Variants in BIVM observed in about 807,000 individuals in gnomAD.
The protein encoded by BIVM is basic immunoglobulin-like variable motif-containing protein.
Under a neutral mutation model 61.4 loss-of-function variants are expected in BIVM, and 31 were observed. The observed-to-expected ratio is 0.51, with a 90% confidence interval of 0.38 to 0.68. BIVM has a LOEUF of 0.68. Ranked by LOEUF, BIVM falls within the 30% of genes least tolerant of loss-of-function variation. The pLI is 0.00. For synonymous variants in BIVM, 189 were observed against 210.7 expected, an observed-to-expected ratio of 0.90 and a Z score of 0.89; for missense variants, 526 against 596.0, an observed-to-expected ratio of 0.88 and a Z score of 1.22.
intron 1 of BIVM, among the ~76,000 whole-genome samples, chr13:102,799,925 C>G (rs113040624): frequency 0.021 from 3,183 of 152,270 alleles, 44 homozygotes; most frequent in Non-Finnish European, 0.029. Flanking sequence ...GTCCGGGAAC[C>G]AGCGCGCAGC....
At chr13:102,810,588 G>C (rs898135125) in intron 3 of BIVM, among the ~76,000 whole-genome samples, 1 of 152,128 alleles carries the variant, frequency 6.6e-6, no homozygotes, top group African/African-American at 2.4e-5. Flanking sequence ...TTAACTTTCA[G>C]TTATTGATGT....
At chr13:102,830,638 T>A (rs1432630746) in intron 7 of BIVM, among the ~76,000 whole-genome samples, 1 of 152,198 alleles carries the variant, frequency 6.6e-6, no homozygotes, top group Admixed American at 6.5e-5. Flanking sequence ...TGAAGACTAC[T>A]CCTCTAGCCT....
chr13:102,828,403 C>T (rs1170788946), intron 7 of BIVM, among the ~76,000 whole-genome samples: 1 of 152,082 alleles, frequency 6.6e-6, no homozygotes, highest in Admixed American at 6.6e-5. Flanking sequence ...TATTGCAGTT[C>T]ATAACTTTTG....
chr13:102,800,108 G>A (rs1000289572), intron 1 of BIVM, among the ~76,000 whole-genome samples: 1 of 152,228 alleles, frequency 6.6e-6, no homozygotes, highest in African/African-American at 2.4e-5. Flanking sequence ...AGCCAAGGCG[G>A]GCCTGGTTCG....
chr13:102,807,560 C>G lies in BIVM; in HGVS notation c.293C>G (p.Thr98Ser). ...PSRSPCLPDS[T>S]SLSAGNNSSR... is the part of the protein sequence containing the mutation. ...CGCTCTCCTTGCCTCCCTGATAGTACCTCTTTATCTGCTGGAAATAATTCA... is the reference window on the plus strand; with the variant it reads ...CGCTCTCCTTGCCTCCCTGATAGTAGCTCTTTATCTGCTGGAAATAATTCA... Residue 98 changes from threonine to serine, a missense_variant, in exon 3 of 11, where the codon ACC (threonine) becomes AGC (serine). By Grantham distance (58) the Thr-to-Ser change is moderately conservative (BLOSUM62 1). Transcript: ENST00000257336. The surrounding 1 kb of genome is among the most constrained non-coding windows in gnomAD (Gnocchi z 4.0). The G allele has an allele frequency of 1.2e-6, 2 of 1,614,154 alleles. No homozygotes were observed. The highest frequency in any genetic ancestry group is 1.7e-6 in the Non-Finnish European group (2 of 1,180,036).
chr13:102,837,889 G>A (rs75691303), intron 9 of BIVM, among the ~76,000 whole-genome samples: 9,223 of 152,120 alleles, frequency 0.061, 394 homozygotes, highest in South Asian at 0.095. Flanking sequence ...TGGACTTTGG[G>A]GACTCCTGAG....
chr13:102,810,596 T>C (rs1879431241), intron 3 of BIVM, among the ~76,000 whole-genome samples: 1 of 152,262 alleles, frequency 6.6e-6, no homozygotes, highest in South Asian at 2.1e-4. Flanking sequence ...CAGTTATTGA[T>C]GTTATCAAAT....
chr13:102,816,669 A>C, intron 4 of BIVM, 115 bp downstream of exon 4: 2 of 973,870 alleles, frequency 2.1e-6, no homozygotes, highest in Non-Finnish European at 2.7e-6. Context: ...TTTATTTCTA[A>C]AATTATTACC....
intron 9 of BIVM, 102 bp downstream of exon 9, chr13:102,834,654 C>T (rs915780081): frequency 4.6e-6 from 5 of 1,098,164 alleles, no homozygotes; most frequent in Non-Finnish European, 6.2e-6. Context: ...AATGAATGCA[C>T]CTGTATAATC....
intron 7 of BIVM, among the ~76,000 whole-genome samples, chr13:102,830,906 C>T (rs917333864): frequency 1.3e-5 from 2 of 152,156 alleles, no homozygotes; most frequent in African/African-American, 2.4e-5. Context: ...CTTCCTGAGG[C>T]CCAACCCCAT....
intron 10 of BIVM, among the ~76,000 whole-genome samples, 181 bp downstream of exon 10, chr13:102,838,920 A>C (rs1198959701): frequency 2.0e-5 from 3 of 152,192 alleles, no homozygotes; most frequent in African/African-American, 7.2e-5. Context: ...TGGAGTCATA[A>C]AGGAATGGTA....
At chr13:102,799,790 G>A (rs1465671827) in intron 1 of BIVM, among the ~76,000 whole-genome samples, 1 of 152,246 alleles carries the variant, frequency 6.6e-6, no homozygotes, top group African/African-American at 2.4e-5. Flanking sequence ...TGTGTCGCGG[G>A]GGGAAGAGAA....
intron 7 of BIVM, 52 bp downstream of exon 7, chr13:102,822,211 A>G: frequency 6.6e-7 from 1 of 1,513,918 alleles, no homozygotes; most frequent in Non-Finnish European, 9.1e-7. Context: ...ATGCACACAC[A>G]CACATACACA....
chr13:102,830,486 GAA>G (rs1880988421), intron 7 of BIVM, among the ~76,000 whole-genome samples: 1 of 152,198 alleles, frequency 6.6e-6, no homozygotes, highest in African/African-American at 2.4e-5. Context: ...AAGTGCTGGT[GAA>G]AAGTCATTTC....
At chr13:102,810,258 C>T (rs1169771306) in intron 3 of BIVM, among the ~76,000 whole-genome samples, 1 of 152,122 alleles carries the variant, frequency 6.6e-6, no homozygotes, top group Non-Finnish European at 1.5e-5. Flanking sequence ...TATAGCCACC[C>T]CTGCTCTCTT....
intron 3 of BIVM, among the ~76,000 whole-genome samples, chr13:102,808,894 T>A (rs1390095699): frequency 1.3e-5 from 2 of 152,190 alleles, no homozygotes; most frequent in Non-Finnish European, 2.9e-5. Flanking sequence ...TCCTTTTGCA[T>A]CCTAATACTG....
chr13:102,807,932 C>T lies in BIVM; in HGVS notation c.478+187C>T, dbSNP rs1036601464. Reference sequence around the variant, plus strand: ...GTAGGGCATGTAGTTCATTGCGGGGCTTCCACTGGAAACTTCAAGCATAAG... The same window carrying T: ...GTAGGGCATGTAGTTCATTGCGGGGTTTCCACTGGAAACTTCAAGCATAAG... On this transcript the variant is annotated intron_variant, in intron 3 of 10. Coordinates refer to ENST00000257336, the MANE Select transcript of BIVM (RefSeq NM_017693.4). The surrounding 1 kb of genome is among the most constrained non-coding windows in gnomAD (Gnocchi z 4.0). Among the ~76,000 whole-genome samples the T allele has an allele frequency of 5.9e-5, 9 of 151,814 alleles. No homozygotes were observed. The highest frequency in any genetic ancestry group is 2.2e-4 in the African/African-American group (9 of 41,322).
intron 1 of BIVM, among the ~76,000 whole-genome samples, chr13:102,803,131 T>A (rs1406655662): frequency 4.2e-5 from 6 of 144,010 alleles, no homozygotes; most frequent in Non-Finnish European, 9.0e-5. Flanking sequence ...AAGACCAGCC[T>A]AGGCAACATA....
chr13:102,820,957 T>C, intron 4 of BIVM, 80 bp from the exon 5 acceptor site: 1 of 1,345,256 alleles, frequency 7.4e-7, no homozygotes, highest in Non-Finnish European at 1.0e-6. Context: ...TTAACACCTT[T>C]AATTGCCATG....
Sources: gnomAD v4.1 joint callset for allele counts (sites outside exome capture counted in the v4.1 genomes callset) on GRCh38, gnomAD v4.1.1 for gene constraint, Gnocchi (gnomAD v3.1) non-coding constraint, MANE v1.5 for transcripts, NCBI Gene and HGNC (gene_info 2026-07-23, HGNC 2026-07-21) for gene names.